The following LRRC53 variants were observed in gnomAD, a reference collection of about 807,000 sequenced individuals.
The protein encoded by LRRC53 is leucine rich repeat containing 53, also known as leucine-rich repeat-containing protein 53.
Under a neutral mutation model 13.6 loss-of-function variants are expected in LRRC53, and 25 were observed. That is an observed-to-expected ratio of 1.83 (90% confidence interval 1.34 to 2.56). The LOEUF is 2.56. LRRC53 is among the 30% of genes most tolerant of loss of function. LRRC53 has a pLI of 0.00. For synonymous variants in LRRC53, 204 were observed against 109.8 expected (o/e 1.86, Z -5.37); for missense variants, 527 against 275.8 (o/e 1.91, Z -6.45).
intron 3 of LRRC53, among the ~76,000 whole-genome samples, chr1:74,476,429 C>T (rs1486065413): frequency 6.6e-6 from 1 of 152,068 alleles, no homozygotes; most frequent in Non-Finnish European, 1.5e-5. Context: ...GTGTATTATT[C>T]TGTTTATTCA....
At chr1:74,534,979 C>T in the LRRC53 span, among the ~76,000 whole-genome samples, 1 of 152,186 alleles carries the variant, frequency 6.6e-6, no homozygotes, top group African/African-American at 2.4e-5. Flanking sequence ...AAGCTACTAA[C>T]AGCACACTGA....
At chr1:74,510,679 G>C (rs114208944) in intron 1 of LRRC53, among the ~76,000 whole-genome samples, 1 of 152,240 alleles carries the variant, frequency 6.6e-6, no homozygotes, top group African/African-American at 2.4e-5. Context: ...TTCTCTTTGG[G>C]AAAGACATAT....
rs181607299 is a variant in LRRC53, at chr1:74,491,376, C to T, written c.-26-8001G>A. Among the ~76,000 whole-genome samples, 1,255 of 152,310 alleles carry T rather than the reference C, an allele frequency of 8.2e-3. 22 individuals are homozygous for T. Among genetic ancestry groups the T allele is most frequent in the African/African-American group, 0.028 (1,177 of 41,574 alleles). On this transcript the variant is annotated intron_variant, in intron 1 of 4. Transcript: ENST00000294635. ...CTGGGACTACAGGTGCGTGCCACCA[C>T]TCCCAGCTAATTTTTGTATTTTTAT... is the stretch of plus-strand genomic sequence containing the variant.
At chr1:74,508,679 G>A (rs1670030567) in intron 1 of LRRC53, among the ~76,000 whole-genome samples, 1 of 152,194 alleles carries the variant, frequency 6.6e-6, no homozygotes, top group South Asian at 2.1e-4. Flanking sequence ...CTATAGGTCA[G>A]AGCCCAACCC....
chr1:74,516,689 C>T (rs889311296), upstream of LRRC53, among the ~76,000 whole-genome samples: 3 of 152,264 alleles, frequency 2.0e-5, no homozygotes, highest in Non-Finnish European at 4.4e-5. Flanking sequence ...GACATTTCCA[C>T]AGCTTGGTTG....
the LRRC53 span, among the ~76,000 whole-genome samples, chr1:74,520,535 T>G: frequency 6.6e-6 from 1 of 151,972 alleles, no homozygotes; most frequent in Non-Finnish European, 1.5e-5. Flanking sequence ...CCCTCAGTCC[T>G]TGCTTGTCTC....
the LRRC53 span, among the ~76,000 whole-genome samples, chr1:74,526,494 T>C: frequency 2.0e-5 from 3 of 152,146 alleles, no homozygotes; most frequent in African/African-American, 7.2e-5. Flanking sequence ...TTTGGCCAAG[T>C]TAGTTGAGCT....
chr1:74,493,779 T>A (rs1669194720), intron 1 of LRRC53, among the ~76,000 whole-genome samples: 1 of 152,150 alleles, frequency 6.6e-6, no homozygotes, highest in Non-Finnish European at 1.5e-5. Context: ...GGCTAGTAAC[T>A]CAAGAGGACA....
In LRRC53 at chr1:74,472,180, C is replaced by G. The variant is rs1459345244; in HGVS notation, c.1442G>C (p.Arg481Thr). 4.2e-6 allele frequency: 3 copies of G among 716,784 alleles called. No homozygotes were observed. The highest frequency in any genetic ancestry group is 5.2e-6 in the Non-Finnish European group (2 of 384,636). 44.4% of individuals were successfully genotyped at this position (716,784 alleles called of 1,614,324 possible). The change falls in exon 5 of 5, where the codon AGA becomes ACA. Residue 481 changes from arginine to threonine, a missense_variant. Arg to Thr is a moderately conservative substitution (Grantham distance 71). Coordinates refer to ENST00000294635, the MANE Select transcript of LRRC53 (RefSeq NM_001382280.1). ...TGAAGCGGGTGTTGCATATCTTCTT[C>G]TAAATATGTCACTGCTGATATCTGT... ...RTEDISSDIF[R>T]RRYATPASAL...
intron 1 of LRRC53, among the ~76,000 whole-genome samples, chr1:74,483,853 ATTACAACTAAATTC>A (rs1557597820): frequency 1.3e-5 from 2 of 152,296 alleles, no homozygotes; most frequent in South Asian, 4.1e-4. Context: ...GTCTTACATG[ATTACAACTAAATTC>A]TTACTCCTTA....
At chr1:74,536,533 T>A in the LRRC53 span, among the ~76,000 whole-genome samples, 2 of 152,142 alleles carry the variant, frequency 1.3e-5, no homozygotes, top group Non-Finnish European at 2.9e-5. Context: ...ATTTTTATAT[T>A]TATGTATACA....
At chr1:74,520,899 C>G in the LRRC53 span, among the ~76,000 whole-genome samples, 4 of 152,142 alleles carry the variant, frequency 2.6e-5, no homozygotes, top group East Asian at 7.8e-4. Context: ...TTGCTTGGAG[C>G]TTTAATTTGC....
intron 1 of LRRC53, among the ~76,000 whole-genome samples, chr1:74,504,230 T>A (rs1420576577): frequency 6.6e-6 from 1 of 152,214 alleles, no homozygotes; most frequent in African/African-American, 2.4e-5. Flanking sequence ...TGATGAAAGG[T>A]GATAGGGCTC....
At chr1:74,492,130 T>C in intron 1 of LRRC53, 1 of 1,611,282 alleles carries the variant, frequency 6.2e-7, no homozygotes, top group East Asian at 2.2e-5. Context: ...CAGCAGTGGG[T>C]CTCTCTCACC....
rs1351710598 is a variant in LRRC53 at position 74,480,558 on chromosome 1, T to C, written c.499A>G (p.Asn167Asp). The change falls in exon 3 of 5, where the codon AAT becomes GAT. Residue 167 changes from asparagine to aspartate, a missense_variant. Transcript: ENST00000294635. ...TCTTTCCCAATGTAGGAAATAAAATTGTTGGATAAATCCAGATACCTGAGA... is the reference window on the plus strand; with the variant it reads ...TCTTTCCCAATGTAGGAAATAAAATCGTTGGATAAATCCAGATACCTGAGA... The part of the protein sequence containing the change: ...HSLRYLDLSN[N>D]FISYIGKDAF... 1.4e-6 allele frequency: 1 copy of C among 717,366 alleles called. No individual in the cohort carries two copies. Among genetic ancestry groups the C allele is most frequent in the African/African-American group, 1.7e-5 (1 of 57,390 alleles). 44.4% of individuals were successfully genotyped at this position (717,366 alleles called of 1,614,324 possible).
chr1:74,488,977 G>T (rs561812214), intron 1 of LRRC53, among the ~76,000 whole-genome samples: 1 of 152,254 alleles, frequency 6.6e-6, no homozygotes, highest in East Asian at 1.9e-4. Context: ...TGCAAATTCT[G>T]ACTTAAAACT....
At chr1:74,481,432 TTTCTCCCAAAAGTAAAGGTG>T (rs1668496465) in intron 2 of LRRC53, among the ~76,000 whole-genome samples, 1 of 152,138 alleles carries the variant, frequency 6.6e-6, no homozygotes, top group Non-Finnish European at 1.5e-5. Flanking sequence ...TCAATCATCT[TTTCTCCCAAAAGTAAAGGTG>T]CGAGTTGGGA....
chr1:74,518,634 T>A, the LRRC53 span, among the ~76,000 whole-genome samples: 180 of 152,282 alleles, frequency 1.2e-3, 1 homozygote, highest in Middle Eastern at 0.031. Context: ...ACACTGTCAG[T>A]GCAGAGGCTT....
intron 1 of LRRC53, among the ~76,000 whole-genome samples, chr1:74,497,567 C>T (rs1399178860): frequency 6.7e-6 from 1 of 149,002 alleles, no homozygotes; most frequent in Non-Finnish European, 1.5e-5. Context: ...CATACATGCA[C>T]ACACACACAC....
Sources: allele counts gnomAD v4.1 joint callset (sites outside exome capture counted in the v4.1 genomes callset), GRCh38; gene constraint gnomAD v4.1.1; transcripts MANE v1.5; gene names NCBI Gene and HGNC (gene_info 2026-07-23, HGNC 2026-07-21).